PLCB1: variants seen among roughly 807,000 people sequenced by gnomAD.
PLCB1 encodes the protein phospholipase C beta 1.
In PLCB1, 46 loss-of-function variants were observed where a neutral mutation model predicts 161.8. The observed-to-expected ratio is 0.28, with a 90% CI of 0.22 to 0.36. The LOEUF (loss-of-function observed/expected upper bound fraction) is 0.36, where lower values mean the gene tolerates loss of function less well. PLCB1 is among the 10% of genes least tolerant of loss of function. The pLI, the probability that PLCB1 is intolerant of heterozygous loss-of-function variation, is 1.00. For synonymous variants in PLCB1, 517 were observed against 503.7 expected (o/e 1.03, Z -0.35); for missense variants, 1,016 against 1,472.5 (o/e 0.69, Z 5.07).
intron 31 of PLCB1, among the ~76,000 whole-genome samples, chr20:8,797,703 C>T (rs1179486378): frequency 2.0e-5 from 3 of 152,154 alleles, no homozygotes; most frequent in Non-Finnish European, 2.9e-5. Flanking sequence ...TGAGATTTCT[C>T]ACTCTGGGAA....
chr20:8,621,465 A>G (rs1407761825), intron 3 of PLCB1, among the ~76,000 whole-genome samples: 1 of 152,230 alleles, frequency 6.6e-6, no homozygotes, highest in African/African-American at 2.4e-5. Flanking sequence ...GCTATAGTTC[A>G]TGCACTTTTA....
intron 3 of PLCB1, among the ~76,000 whole-genome samples, chr20:8,555,564 G>C (rs1040998631): frequency 6.6e-6 from 1 of 152,042 alleles, no homozygotes; most frequent in Admixed American, 6.6e-5. Flanking sequence ...GTCTTCCCTG[G>C]AAAGGTCATC....
chr20:8,542,193 G>A (rs899475085), intron 3 of PLCB1, among the ~76,000 whole-genome samples: 2 of 152,080 alleles, frequency 1.3e-5, no homozygotes, highest in East Asian at 1.9e-4. Flanking sequence ...CGATTTCCAC[G>A]ACCGGTTCTT....
In PLCB1 at chr20:8,431,012, T is replaced by C. The variant is rs146626093; in HGVS notation, c.246+59562T>C. 2.4e-3 allele frequency among the ~76,000 whole-genome samples: 361 copies of C among 152,206 alleles called. 2 individuals carry two copies. The highest frequency in any genetic ancestry group is 6.9e-3 in the African/African-American group (285 of 41,552). Reference sequence around the variant, plus strand: ...AAAGTTTTTCCTTATGGTTTATCTTTAGTAGTTTGACGTATTAAAGAGGTT... The same window carrying C: ...AAAGTTTTTCCTTATGGTTTATCTTCAGTAGTTTGACGTATTAAAGAGGTT... On this transcript the variant is annotated intron_variant, in intron 3 of 31. Transcript: ENST00000338037.
intron 3 of PLCB1, among the ~76,000 whole-genome samples, chr20:8,378,568 T>C (rs1987164984): frequency 6.6e-6 from 1 of 152,226 alleles, no homozygotes; most frequent in Non-Finnish European, 1.5e-5. Flanking sequence ...ACAGAGGGTC[T>C]TGCCTCGATA....
intron 3 of PLCB1, among the ~76,000 whole-genome samples, chr20:8,534,533 G>T (rs1302048485): frequency 6.6e-6 from 1 of 152,054 alleles, no homozygotes; most frequent in African/African-American, 2.4e-5. Flanking sequence ...GGCATAGGCT[G>T]TTGGAGTCCC....
At chr20:8,540,162 G>C (rs2122951654) in intron 3 of PLCB1, among the ~76,000 whole-genome samples, 1 of 152,142 alleles carries the variant, frequency 6.6e-6, no homozygotes, top group East Asian at 1.9e-4. Context: ...AAGAAAGTTT[G>C]CATCACTTTT....
intron 3 of PLCB1, among the ~76,000 whole-genome samples, chr20:8,568,550 T>C (rs73897118): frequency 0.084 from 12,808 of 152,236 alleles, 945 homozygotes; most frequent in African/African-American, 0.2. Context: ...AAATCATTAG[T>C]TATTTTTGCT....
intron 2 of PLCB1, among the ~76,000 whole-genome samples, chr20:8,194,778 G>A (rs2052004970): frequency 6.6e-6 from 1 of 151,966 alleles, no homozygotes; most frequent in African/African-American, 2.4e-5. Flanking sequence ...AAAAAGATTT[G>A]GTAGTAAAAG....
At chr20:8,770,142 C>T (rs201794003) in intron 26 of PLCB1, among the ~76,000 whole-genome samples, 15 of 151,908 alleles carry the variant, frequency 9.9e-5, no homozygotes, top group Middle Eastern at 3.4e-3. Flanking sequence ...TTAGTAGAGA[C>T]GGGGTTTCAC....
intron 7 of PLCB1, among the ~76,000 whole-genome samples, chr20:8,653,822 T>C (rs1420396349): frequency 6.6e-6 from 1 of 152,042 alleles, no homozygotes; most frequent in Admixed American, 6.6e-5. Context: ...ATTCAAAATA[T>C]AGTCATTGTG....
At chr20:8,817,172 C>T (rs943499189) in intron 31 of PLCB1, among the ~76,000 whole-genome samples, 13 of 152,158 alleles carry the variant, frequency 8.5e-5, no homozygotes, top group Non-Finnish European at 1.3e-4. Flanking sequence ...GAGACCTGAG[C>T]TTCCAATGAA....
At chr20:8,600,454 C>CGTTCTCAG (rs1304567750) in intron 3 of PLCB1, among the ~76,000 whole-genome samples, 4 of 148,088 alleles carry the variant, frequency 2.7e-5, no homozygotes, top group Non-Finnish European at 6.0e-5. Context: ...GCAGTCTGCC[C>CGTTCTCAG]GTTCTCAGAT....
At chr20:8,705,210 C>T (rs1168501607) in intron 11 of PLCB1, among the ~76,000 whole-genome samples, 1 of 152,058 alleles carries the variant, frequency 6.6e-6, no homozygotes, top group Non-Finnish European at 1.5e-5. Flanking sequence ...CAGAGTTGAA[C>T]AGTTGCCATA....
intron 2 of PLCB1, among the ~76,000 whole-genome samples, chr20:8,203,432 T>A (rs2223254): frequency 0.38 from 57,415 of 151,970 alleles, 13,734 homozygotes; most frequent in African/African-American, 0.69. Context: ...AAAGAAAAAG[T>A]TACTGAATTT....
chr20:8,211,578 T>C (rs1978824487), intron 2 of PLCB1, among the ~76,000 whole-genome samples: 1 of 152,164 alleles, frequency 6.6e-6, no homozygotes, highest in African/African-American at 2.4e-5. Flanking sequence ...TAGATTGGTC[T>C]ATATAAATCT....
At chr20:8,451,819 C>T (rs1981086315) in intron 3 of PLCB1, among the ~76,000 whole-genome samples, 1 of 150,758 alleles carries the variant, frequency 6.6e-6, no homozygotes, top group Non-Finnish European at 1.5e-5. Context: ...TCCCTTCTTT[C>T]TTCCATCTCC....
At chr20:8,298,835 C>A (rs1389173984) in intron 2 of PLCB1, among the ~76,000 whole-genome samples, 2 of 152,128 alleles carry the variant, frequency 1.3e-5, no homozygotes, top group African/African-American at 2.4e-5. Context: ...AGCAGAGCAT[C>A]TAAAACATAA....
At chr20:8,420,480 G>A (rs1368395658) in intron 3 of PLCB1, among the ~76,000 whole-genome samples, 6 of 152,056 alleles carry the variant, frequency 3.9e-5, no homozygotes, top group Admixed American at 3.9e-4. Flanking sequence ...TAATCCCATG[G>A]CCCAGATAGT....
Sources: gnomAD v4.1 joint callset for allele counts (sites outside exome capture counted in the v4.1 genomes callset) on GRCh38, gnomAD v4.1.1 for gene constraint, MANE v1.5 for transcripts, NCBI Gene and HGNC (gene_info 2026-07-23, HGNC 2026-07-21) for gene names.